Variants in ERCC4 observed in about 807,000 individuals in gnomAD.
ERCC4 encodes the protein DNA repair endonuclease XPF.
A neutral mutation model predicts 76.9 loss-of-function variants in ERCC4; 65 were observed. The ratio of observed to expected loss-of-function variants is 0.84; its 90% CI spans 0.69 to 1.04. ERCC4 has a LOEUF of 1.04. ERCC4 is among the 50% of genes least tolerant of loss of function. The pLI is 0.00. For missense variants in ERCC4, 1,214 were observed against 1,128.2 expected, an observed-to-expected ratio of 1.08 and a Z score of -1.09; for synonymous variants, 463 against 410.1, an observed-to-expected ratio of 1.13 and a Z score of -1.56.
chr16:13,949,774 T>G lies in ERCC4; in HGVS notation c.*1427T>G, dbSNP rs2032596315. On this transcript the variant is annotated 3_prime_UTR_variant, in exon 11 of 11. Transcript: ENST00000311895. ...ATTTAAACATTATTAAGTTGGCTTT[T>G]GTTCACATGTTGAGTAATGGGTAGT... 1 of 232,082 alleles carries G rather than the reference T, an allele frequency of 4.3e-6. No individual in the cohort carries two copies. Among genetic ancestry groups the G allele is most frequent in the Non-Finnish European group, 8.5e-6 (1 of 117,422 alleles). The allele number at this position is 232,082 out of a possible 1,614,324, so 14.4% of individuals were successfully genotyped here.
chr16:13,930,671 A>G, intron 4 of ERCC4, 39 bp from the exon 5 acceptor site: 1 of 1,411,356 alleles, frequency 7.1e-7, no homozygotes, highest in Non-Finnish European at 1.0e-6. Context: ...AACTATACTT[A>G]ACATATTTTA....
intron 2 of ERCC4, among the ~76,000 whole-genome samples, chr16:13,923,853 A>C (rs1216713885): frequency 6.6e-6 from 1 of 152,008 alleles, no homozygotes; most frequent in Non-Finnish European, 1.5e-5. Context: ...TTATTTTTTA[A>C]ATTGATTTAA....
At chr16:13,940,967 C>T (rs1403059221) in intron 9 of ERCC4, among the ~76,000 whole-genome samples, 2 of 152,202 alleles carry the variant, frequency 1.3e-5, no homozygotes, top group African/African-American at 4.8e-5. Context: ...GAGTTTCTTG[C>T]TTCGCCTGTC....
In ERCC4 at chr16:13,935,175, C is replaced by G. The variant is rs374470560; in HGVS notation, c.1243C>G (p.Arg415Gly). 4.3e-6 allele frequency: 7 copies of G among 1,613,776 alleles called. No individual in the cohort carries two copies. Among genetic ancestry groups the G allele is most frequent in the Non-Finnish European group, 5.9e-6 (7 of 1,179,864 alleles). Residue 415 changes from arginine (R) to glycine (G), a missense_variant, in exon 8 of 11, where the codon CGA becomes GGA. Transcript: ENST00000311895. ...GQVLICASDD[R>G]TCSQLRDYIT... ...AGTACTGATTTGTGCAAGTGATGAC[C>G]GAACATGTTCCCAGCTGAGAGACTA...
At chr16:13,936,968 G>C (rs1192677729) in intron 8 of ERCC4, among the ~76,000 whole-genome samples, 1 of 148,582 alleles carries the variant, frequency 6.7e-6, no homozygotes, top group Admixed American at 6.8e-5. Flanking sequence ...CTGGAGTGCA[G>C]TGTTGCAATC....
Position 13,922,752 on chromosome 16 carries a change from C to G in ERCC4, c.388+541C>G, listed in dbSNP as rs1317154966. ...TCTGTCTCCTCTGCTGAACGCTCTA[C>G]TAGAACCTTCTAGTGGGCACTACTG... On this transcript the variant is annotated intron_variant, in intron 2 of 10. Coordinates refer to ENST00000311895, the MANE Select transcript of ERCC4 (RefSeq NM_005236.3). 1.0e-4 allele frequency: 31 copies of G among 297,258 alleles called. No individual in the cohort carries two copies. In the Admixed American group the frequency reaches 1.4e-3, roughly 14 times the overall value. The allele number at this position is 297,258 out of a possible 1,614,324, so 18.4% of individuals were successfully genotyped here.
chr16:13,923,166 G>C (rs1237817520), intron 2 of ERCC4, among the ~76,000 whole-genome samples: 8 of 152,108 alleles, frequency 5.3e-5, no homozygotes. Context: ...AGCTAATGTA[G>C]GGGCTGTGCC....
chr16:13,939,225 C>T (rs1196874130), intron 9 of ERCC4, among the ~76,000 whole-genome samples: 2 of 152,164 alleles, frequency 1.3e-5, no homozygotes, highest in South Asian at 2.1e-4. Flanking sequence ...ACCTTCACGC[C>T]ACAAGGCTCA....
rs749822053 is a variant in ERCC4, at chr16:13,948,184, G to C, written c.2588G>C (p.Cys863Ser). ...LKMPGVNAKN[C>S]RSLMHHVKNI... Reference sequence around the variant, plus strand: ...ATGCCAGGGGTGAATGCCAAAAACTGCCGCTCCTTGATGCACCACGTTAAG... The same window carrying C: ...ATGCCAGGGGTGAATGCCAAAAACTCCCGCTCCTTGATGCACCACGTTAAG... The change falls in exon 11 of 11, where the codon TGC becomes TCC. Residue 863 changes from cysteine to serine, a missense_variant. Coordinates refer to ENST00000311895, the MANE Select transcript of ERCC4 (RefSeq NM_005236.3). 2.5e-6 allele frequency: 4 copies of C among 1,614,044 alleles called. No individual in the cohort carries two copies. In the African/African-American group the frequency reaches 5.3e-5, roughly 22 times the overall value.
At chr16:13,930,013 A>G (rs1284513957) in intron 4 of ERCC4, among the ~76,000 whole-genome samples, 1 of 152,222 alleles carries the variant, frequency 6.6e-6, no homozygotes, top group Non-Finnish European at 1.5e-5. Flanking sequence ...TTTAACAAAT[A>G]TTTTCCTATC....
At position 13,948,389 on chromosome 16, in the gene ERCC4, G is replaced by T. The variant is rs2032568050; in HGVS notation, c.*42G>T. 1 of 1,597,550 alleles carries T rather than the reference G, an allele frequency of 6.3e-7. No individual in the cohort carries two copies. The highest frequency in any genetic ancestry group is 1.1e-5 in the South Asian group (1 of 90,758). On this transcript the variant is annotated 3_prime_UTR_variant, in exon 11 of 11. Coordinates refer to ENST00000311895, the MANE Select transcript of ERCC4 (RefSeq NM_005236.3). ...TCTTATCCCATGCCTGTACTTTTCA[G>T]CGGCTCCTTGCCAGACATCATAGGT...
At chr16:13,940,987 C>G (rs937353554) in intron 9 of ERCC4, among the ~76,000 whole-genome samples, 30 of 152,194 alleles carry the variant, frequency 2.0e-4, no homozygotes, top group Non-Finnish European at 3.2e-4. Flanking sequence ...CTTCATGCAG[C>G]TGCCTCTTCT....
In ERCC4 at chr16:13,935,261, T is replaced by G; in HGVS notation, c.1329T>G (p.Asp443Glu). ...TCTACAGGAAAACCTTTGAGAAGGA[T>G]AGCAAAGCTGAAGAAGTCTGGATGA... The part of the protein sequence containing the change: ...LRLYRKTFEK[D>E]SKAEEVWMKF... The change falls in exon 8 of 11, where the codon GAT becomes GAG. Residue 443 changes from aspartate (D) to glutamate (E), a missense_variant. Transcript: ENST00000311895. 6.2e-7 allele frequency: 1 copy of G among 1,614,042 alleles called. No homozygotes were observed. Among genetic ancestry groups the G allele is most frequent in the South Asian group, 1.1e-5 (1 of 91,078 alleles).
At chr16:13,946,865 A>T (rs3136219) in intron 10 of ERCC4, among the ~76,000 whole-genome samples, 37,266 of 151,908 alleles carry the variant, frequency 0.25, 4,854 homozygotes, top group Middle Eastern at 0.34. Flanking sequence ...GGCTCAAGCA[A>T]TTCTCCTGCC....
Position 13,930,965 on chromosome 16 carries a change from G to A in ERCC4, c.973+75G>A, listed in dbSNP as rs2032161726. The A allele has an allele frequency of 1.0e-5, 10 of 987,502 alleles. No homozygotes were observed. In the South Asian group the frequency reaches 1.1e-4, roughly 10 times the overall value. The allele number at this position is 987,502 out of a possible 1,614,324, so 61.2% of individuals were successfully genotyped here. On this transcript the variant is annotated intron_variant, in intron 5 of 10. Coordinates refer to ENST00000311895, the MANE Select transcript of ERCC4 (RefSeq NM_005236.3). ...TGTTAGGTTTTAGGGGGAATCAGGT[G>A]TGAAAAGTGCTATATTCAACTATAT...
intron 9 of ERCC4, among the ~76,000 whole-genome samples, chr16:13,943,473 AACTC>A (rs947633056): frequency 3.9e-5 from 6 of 152,164 alleles, no homozygotes; most frequent in African/African-American, 7.2e-5. Flanking sequence ...ATCTCGTGAG[AACTC>A]ACTCACTATC....
At chr16:13,937,086 A>ATTTTTTTTTTTTTTT (rs71150154) in intron 8 of ERCC4, among the ~76,000 whole-genome samples, 5 of 128,708 alleles carry the variant, frequency 3.9e-5, no homozygotes, top group African/African-American at 5.8e-5. Flanking sequence ...TGCTCAACTA[A>ATTTTTTTTTTTTTTT]TTTTTTTTTT....
chr16:13,939,312 T>G (rs1435451325), intron 9 of ERCC4, among the ~76,000 whole-genome samples: 1 of 152,122 alleles, frequency 6.6e-6, no homozygotes, highest in Non-Finnish European at 1.5e-5. Flanking sequence ...AGGTTACAAG[T>G]GGTGCAGAAA....
chr16:13,934,939 A>G, intron 7 of ERCC4: 1 of 532,708 alleles, frequency 1.9e-6, no homozygotes. Flanking sequence ...TCTGGCTTCA[A>G]CTTTACTGAA....
Sources: allele counts gnomAD v4.1 joint callset (sites outside exome capture counted in the v4.1 genomes callset), GRCh38; gene constraint gnomAD v4.1.1; transcripts MANE v1.5; gene names NCBI Gene and HGNC (gene_info 2026-07-23, HGNC 2026-07-21).